Variants in PLCXD3 observed in about 807,000 individuals in gnomAD.
The protein encoded by PLCXD3 is PI-PLC X domain-containing protein 3.
PLCXD3 carries 19 observed loss-of-function variants against 25.5 expected under a neutral mutation model. The ratio of observed to expected loss-of-function variants is 0.75; its 90% CI spans 0.52 to 1.09. The LOEUF (loss-of-function observed/expected upper bound fraction) is 1.09. Ranked by LOEUF, PLCXD3 falls within the 50% of genes least tolerant of loss-of-function variation. PLCXD3 has a pLI of 0.00. For synonymous variants in PLCXD3, 174 were observed against 137.6 expected (o/e 1.26, Z -1.85); for missense variants, 411 against 388.1 (o/e 1.06, Z -0.50).
intron 1 of PLCXD3, among the ~76,000 whole-genome samples, chr5:41,447,844 C>T (rs763589972): frequency 9.2e-5 from 14 of 152,236 alleles, no homozygotes; most frequent in Admixed American, 3.3e-4. Flanking sequence ...AAACAGTTAT[C>T]TCATTAAGGC....
intron 1 of PLCXD3, among the ~76,000 whole-genome samples, chr5:41,450,230 G>A (rs1250393072): frequency 6.6e-6 from 1 of 152,100 alleles, no homozygotes. Flanking sequence ...TACAAGAAGA[G>A]TGGAAAACCT....
intron 1 of PLCXD3, among the ~76,000 whole-genome samples, chr5:41,453,657 C>T (rs911339468): frequency 6.6e-6 from 1 of 151,948 alleles, no homozygotes; most frequent in Non-Finnish European, 1.5e-5. Flanking sequence ...ATAGAGAGGC[C>T]AGCACGGCAT....
Position 41,318,850 on chromosome 5 carries a change from A to T in PLCXD3, c.813-5080T>A, listed in dbSNP as rs565368281. The stretch of plus-strand genomic sequence containing the variant: ...GACCCAATGATCTATTGCCTACAAG[A>T]AACACACATCACCTGTAAAGACACA... On this transcript the variant is annotated intron_variant, in intron 2 of 2. Transcript: ENST00000377801. Among the ~76,000 whole-genome samples, 9 of 152,318 alleles carry T rather than the reference A, an allele frequency of 5.9e-5. No homozygotes were observed. The South Asian group carries it at 1.7e-3, about 28-fold the overall frequency.
intron 1 of PLCXD3, among the ~76,000 whole-genome samples, chr5:41,397,725 G>T (rs1449062253): frequency 6.6e-6 from 1 of 152,184 alleles, no homozygotes; most frequent in Non-Finnish European, 1.5e-5. Flanking sequence ...GCAGCCATGG[G>T]GGCTGTACTC....
At chr5:41,486,075 CT>C (rs1166144206) in intron 1 of PLCXD3, among the ~76,000 whole-genome samples, 6 of 152,124 alleles carry the variant, frequency 3.9e-5, no homozygotes, top group African/African-American at 1.4e-4. Flanking sequence ...TGGAACCCTT[CT>C]CATTCTAGGA....
At chr5:41,385,082 C>A (rs1745595481) in intron 1 of PLCXD3, among the ~76,000 whole-genome samples, 1 of 152,040 alleles carries the variant, frequency 6.6e-6, no homozygotes, top group Non-Finnish European at 1.5e-5. Context: ...TTCCCAATTT[C>A]AACATTTTCA....
chr5:41,362,713 C>T (rs757753379), intron 2 of PLCXD3, among the ~76,000 whole-genome samples: 2 of 152,094 alleles, frequency 1.3e-5, no homozygotes, highest in Non-Finnish European at 2.9e-5. Flanking sequence ...CATTTTATTT[C>T]GCTTTTTACT....
chr5:41,365,134 G>A (rs995251627), intron 2 of PLCXD3, among the ~76,000 whole-genome samples: 1 of 152,132 alleles, frequency 6.6e-6, no homozygotes, highest in East Asian at 1.9e-4. Context: ...TGTTAGCCTA[G>A]TCTAATATCT....
rs1210486304 is a variant in PLCXD3, at chr5:41,381,904, G to C, written c.734C>G (p.Ser245Cys). Residue 245 changes from serine (S) to cysteine (C), a missense_variant, in exon 2 of 3, where the codon TCT becomes TGT. By Grantham distance (112) the Ser-to-Cys change is moderately radical. Coordinates refer to ENST00000377801, the MANE Select transcript of PLCXD3 (RefSeq NM_001005473.3). ...AGCTTTGGGGGTCAGCACCACCTGA[G>C]ATATAAAAAACGATCCCTTCTTTCT... ...ERRKKGSFFI[S>C]QVVLTPKAST... 21 of 1,613,184 alleles carry C rather than the reference G, an allele frequency of 1.3e-5. No individual in the cohort carries two copies. The highest frequency in any genetic ancestry group is 1.8e-5 in the Non-Finnish European group (21 of 1,179,664).
intron 1 of PLCXD3, among the ~76,000 whole-genome samples, chr5:41,484,509 C>T (rs1748477030): frequency 6.6e-6 from 1 of 151,958 alleles, no homozygotes; most frequent in African/African-American, 2.4e-5. Flanking sequence ...TTACTGTATG[C>T]CCTATTACAT....
chr5:41,411,310 TCTC>T (rs1746513026), intron 1 of PLCXD3, among the ~76,000 whole-genome samples: 1 of 152,168 alleles, frequency 6.6e-6, no homozygotes, highest in Non-Finnish European at 1.5e-5. Flanking sequence ...AGAAATAACA[TCTC>T]CTTGAAATAC....
At chr5:41,443,392 T>C (rs1747425907) in intron 1 of PLCXD3, among the ~76,000 whole-genome samples, 2 of 152,242 alleles carry the variant, frequency 1.3e-5, no homozygotes, top group South Asian at 2.1e-4. Flanking sequence ...GTACACTCCA[T>C]GATGTTTACA....
chr5:41,413,382 T>C (rs76548795), intron 1 of PLCXD3, among the ~76,000 whole-genome samples: 2,364 of 152,262 alleles, frequency 0.016, 61 homozygotes, highest in African/African-American at 0.055. Flanking sequence ...TCAAATCAAA[T>C]GAGCAAACAT....
chr5:41,310,607 G>C lies in PLCXD3; in HGVS notation c.*3010C>G, dbSNP rs986014866. 1 of 152,496 alleles carries C rather than the reference G, an allele frequency of 6.6e-6. No homozygotes were observed. Among genetic ancestry groups the C allele is most frequent in the Non-Finnish European group, 1.5e-5 (1 of 68,044 alleles). The allele number at this position is 152,496 out of a possible 1,614,324, so 9.4% of individuals were successfully genotyped here. ...TGCATATCACCATTTTTTACTTTTG[G>C]AAGGCCCGCAGCCTGCTTCCCCAGT... On this transcript the variant is annotated 3_prime_UTR_variant, in exon 3 of 3. Transcript: ENST00000377801.
rs139601851 is a variant in PLCXD3 at position 41,507,700 on chromosome 5, C to T, written c.103+2724G>A. On this transcript the variant is annotated intron_variant, in intron 1 of 2. Transcript: ENST00000377801. ...TATTTTCCAGCCGCTTTACCTAAGACAACCTGAAGCTTTGAGGATGACTGA... is the reference window on the plus strand; with the variant it reads ...TATTTTCCAGCCGCTTTACCTAAGATAACCTGAAGCTTTGAGGATGACTGA... Among the ~76,000 whole-genome samples the T allele has an allele frequency of 4.2e-3, 636 of 152,316 alleles. 10 individuals carry two copies. Among genetic ancestry groups the T allele is most frequent in the African/African-American group, 0.014 (599 of 41,558 alleles).
intron 1 of PLCXD3, among the ~76,000 whole-genome samples, chr5:41,497,143 GA>G (rs1273366430): frequency 2.6e-5 from 4 of 151,166 alleles, no homozygotes; most frequent in Non-Finnish European, 4.4e-5. Flanking sequence ...TAACAATGGT[GA>G]AAAAAAGGTA....
chr5:41,380,568 T>C (rs1483923632), intron 2 of PLCXD3, among the ~76,000 whole-genome samples: 1 of 152,124 alleles, frequency 6.6e-6, no homozygotes, highest in Non-Finnish European at 1.5e-5. Context: ...TTCTGGAAAA[T>C]GTATTCTTAC....
chr5:41,316,002 A>G (rs1309424956), intron 2 of PLCXD3, among the ~76,000 whole-genome samples: 1 of 152,082 alleles, frequency 6.6e-6, no homozygotes, highest in Non-Finnish European at 1.5e-5. Context: ...CTCTTAGGCA[A>G]CTCCATACTG....
Position 41,462,779 on chromosome 5 carries a change from TG to T in PLCXD3, c.103+47644del, listed in dbSNP as rs1459627131. On this transcript the variant is annotated intron_variant, in intron 1 of 2. Transcript: ENST00000377801. ...CAGCCTGGGCAAAAGAATGAAACTC[TG>T]TCTCAAAAAGAAAAAAAAAAGAAAA... Among the ~76,000 whole-genome samples, 570 of 151,582 alleles carry T rather than the reference TG, an allele frequency of 3.8e-3. 5 individuals carry two copies. Among genetic ancestry groups the T allele is most frequent in the African/African-American group, 0.012 (479 of 41,310 alleles).
Sources: gnomAD v4.1 joint callset for allele counts (sites outside exome capture counted in the v4.1 genomes callset) on GRCh38, gnomAD v4.1.1 for gene constraint, MANE v1.5 for transcripts, NCBI Gene and HGNC (gene_info 2026-07-23, HGNC 2026-07-21) for gene names.